Variants in PLCH1 observed in about 807,000 individuals in gnomAD.
PLCH1 encodes 1-phosphatidylinositol 4,5-bisphosphate phosphodiesterase eta-1.
In PLCH1, 60 loss-of-function variants were observed where a neutral mutation model predicts 126.7. The observed-to-expected ratio is 0.47, with a 90% confidence interval of 0.38 to 0.59. PLCH1 has a LOEUF of 0.59. Among genes scored for constraint, PLCH1 ranks in the 20% least tolerant of loss-of-function variants. The probability of loss-of-function intolerance (pLI) is 0.00; values close to 1 mark genes in which losing one functional copy is unlikely to be tolerated. For synonymous variants in PLCH1, 719 were observed against 734.9 expected, an observed-to-expected ratio of 0.98 and a Z score of 0.35; for missense variants, 1,723 against 2,040.0, an observed-to-expected ratio of 0.84 and a Z score of 2.99.
chr3:155,532,314 G>A (rs1202499167), intron 10 of PLCH1, among the ~76,000 whole-genome samples: 1 of 152,160 alleles, frequency 6.6e-6, no homozygotes, highest in Admixed American at 6.5e-5. Flanking sequence ...TTTGAAGGAA[G>A]CAGACTGCTG....
chr3:155,500,706 T>C lies in PLCH1; in HGVS notation c.1793A>G (p.Tyr598Cys). The C allele has an allele frequency of 6.2e-7, 1 of 1,600,364 alleles. No individual in the cohort carries two copies. Among genetic ancestry groups the C allele is most frequent in the Non-Finnish European group, 8.6e-7 (1 of 1,167,472 alleles). The change falls in exon 14 of 23, where the codon TAC (tyrosine) becomes TGC (cysteine). Residue 598 changes from tyrosine (Y) to cysteine (C), a missense_variant. Physicochemically the swap from Tyr to Cys is radical, Grantham distance 194. Transcript: ENST00000460012. Reference protein sequence around the residue: ...QSTGKEGGQLYRLGRRRKTMK... With the variant: ...QSTGKEGGQLCRLGRRRKTMK... ...AAACATGGAGATGCTTTCTTACCTG[T>C]ACAGCTGGCCACCCTCCTTGCCAGT...
intron 4 of PLCH1, among the ~76,000 whole-genome samples, chr3:155,592,579 G>C (rs1008086011): frequency 5.9e-5 from 9 of 152,190 alleles, no homozygotes; most frequent in Admixed American, 4.6e-4. Context: ...AGCTGCAGCA[G>C]TTCTCTCTGA....
At chr3:155,737,146 C>T (rs1749246921) in intron 1 of PLCH1, among the ~76,000 whole-genome samples, 1 of 140,854 alleles carries the variant, frequency 7.1e-6, no homozygotes, top group South Asian at 2.3e-4. Context: ...GCAGGAGAAT[C>T]GCATGAATCC....
intron 2 of PLCH1, among the ~76,000 whole-genome samples, chr3:155,610,364 GAAAAAAAAAAAAAA>G (rs569174791): frequency 2.5e-5 from 1 of 39,466 alleles, no homozygotes; most frequent in African/African-American, 1.3e-4. Context: ...TGCGTCTGGA[GAAAAAAAAAAAAAA>G]AAAAAAAAAA....
chr3:155,582,276 T>A (rs1001609471), intron 6 of PLCH1, among the ~76,000 whole-genome samples: 1 of 150,220 alleles, frequency 6.7e-6, no homozygotes, highest in African/African-American at 2.5e-5. Context: ...AGAGACTGGG[T>A]TTCGCCATGT....
downstream of PLCH1, among the ~76,000 whole-genome samples, chr3:155,476,839 A>T (rs1048803709): frequency 6.6e-6 from 1 of 152,194 alleles, no homozygotes; most frequent in Non-Finnish European, 1.5e-5. Context: ...AGCAATCTAC[A>T]GATTCGATGC....
downstream of PLCH1, among the ~76,000 whole-genome samples, chr3:155,477,548 G>GA (rs1713595152): frequency 6.6e-6 from 1 of 151,794 alleles, no homozygotes; most frequent in Admixed American, 6.6e-5. Flanking sequence ...CAACTCTATA[G>GA]AAAAAAATCT....
intron 21 of PLCH1, among the ~76,000 whole-genome samples, chr3:155,463,285 A>G (rs958931036): frequency 6.6e-6 from 1 of 152,232 alleles, no homozygotes; most frequent in African/African-American, 2.4e-5. Flanking sequence ...TTCAACTACC[A>G]TAGGTGATAT....
intron 11 of PLCH1, among the ~76,000 whole-genome samples, chr3:155,515,331 A>G (rs1720174179): frequency 6.6e-6 from 1 of 152,256 alleles, no homozygotes; most frequent in African/African-American, 2.4e-5. Flanking sequence ...AAGTTTTTGG[A>G]AACTAAGTTT....
At chr3:155,496,646 T>C (rs1717080958) in intron 15 of PLCH1, among the ~76,000 whole-genome samples, 1 of 150,338 alleles carries the variant, frequency 6.7e-6, no homozygotes. Flanking sequence ...AAAATTAAAA[T>C]TAGATGAAAA....
intron 2 of PLCH1, among the ~76,000 whole-genome samples, chr3:155,660,692 T>C (rs1342043627): frequency 6.6e-6 from 1 of 152,252 alleles, no homozygotes; most frequent in Non-Finnish European, 1.5e-5. Context: ...CATCTACCCA[T>C]ATCAGTCTCT....
chr3:155,574,009 G>A (rs1729602279), intron 6 of PLCH1, among the ~76,000 whole-genome samples: 1 of 152,042 alleles, frequency 6.6e-6, no homozygotes, highest in Non-Finnish European at 1.5e-5. Flanking sequence ...CACCTCCAGG[G>A]TTCAAGCGAT....
chr3:155,578,109 G>A (rs1223366561), intron 6 of PLCH1, among the ~76,000 whole-genome samples: 1 of 152,166 alleles, frequency 6.6e-6, no homozygotes, highest in Admixed American at 6.5e-5. Flanking sequence ...AGTACACTAT[G>A]AGAGTTCTGC....
intron 2 of PLCH1, among the ~76,000 whole-genome samples, chr3:155,670,459 A>G (rs1364675199): frequency 6.6e-6 from 1 of 152,198 alleles, no homozygotes; most frequent in Non-Finnish European, 1.5e-5. Flanking sequence ...ATATGCAACC[A>G]TGACTTATTC....
At chr3:155,677,173 C>A (rs763723728) in intron 2 of PLCH1, among the ~76,000 whole-genome samples, 1 of 152,170 alleles carries the variant, frequency 6.6e-6, no homozygotes, top group Non-Finnish European at 1.5e-5. Context: ...CTGTCCCTCA[C>A]CCACCTGTGG....
At chr3:155,621,661 A>G (rs545865947) in intron 2 of PLCH1, among the ~76,000 whole-genome samples, 4 of 152,242 alleles carry the variant, frequency 2.6e-5, no homozygotes, top group Non-Finnish European at 5.9e-5. Context: ...AAAGGATATC[A>G]GAGATTGAAG....
chr3:155,723,389 T>C (rs1748094004), intron 1 of PLCH1, among the ~76,000 whole-genome samples: 1 of 152,196 alleles, frequency 6.6e-6, no homozygotes, highest in Non-Finnish European at 1.5e-5. Flanking sequence ...ATTTACCTTT[T>C]TTATTGTTTT....
At chr3:155,526,314 A>G (rs1049570444) in intron 10 of PLCH1, among the ~76,000 whole-genome samples, 1 of 152,082 alleles carries the variant, frequency 6.6e-6, no homozygotes, top group African/African-American at 2.4e-5. Context: ...ATCAGGTTAT[A>G]GAAACACTAT....
chr3:155,651,947 A>T (rs1439688555), intron 2 of PLCH1, among the ~76,000 whole-genome samples: 1 of 152,214 alleles, frequency 6.6e-6, no homozygotes, highest in Non-Finnish European at 1.5e-5. Flanking sequence ...GCTTTCTTCC[A>T]TCCAGGAATC....
Sources: gnomAD v4.1 joint callset for allele counts (sites outside exome capture counted in the v4.1 genomes callset) on GRCh38, gnomAD v4.1.1 for gene constraint, MANE v1.5 for transcripts, NCBI Gene and HGNC (gene_info 2026-07-23, HGNC 2026-07-21) for gene names.